The following CTNND2 variants were observed in gnomAD, a reference collection of about 807,000 sequenced individuals.
The protein encoded by CTNND2 is catenin delta-2.
Under a neutral mutation model 144.4 loss-of-function variants are expected in CTNND2, and 22 were observed. The ratio of observed to expected loss-of-function variants is 0.15; its 90% CI spans 0.11 to 0.22. The LOEUF is 0.22. Ranked by LOEUF, CTNND2 falls within the 10% of genes least tolerant of loss-of-function variation. The pLI, the probability that CTNND2 is intolerant of heterozygous loss-of-function variation, is 1.00. For missense variants in CTNND2, 1,353 were observed against 1,618.8 expected, an observed-to-expected ratio of 0.84 and a Z score of 2.82; for synonymous variants, 751 against 695.6, an observed-to-expected ratio of 1.08 and a Z score of -1.25.
intron 1 of CTNND2, among the ~76,000 whole-genome samples, chr5:11,879,341 G>GTGTATATATATATA: frequency 2.7e-5 from 3 of 109,348 alleles, no homozygotes; most frequent in East Asian, 2.5e-4. Context: ...TTAAATGTGT[G>GTGTATATATATATA]TATATATATA....
intron 3 of CTNND2, among the ~76,000 whole-genome samples, chr5:11,437,187 T>C (rs1190707006): frequency 2.0e-5 from 3 of 152,232 alleles, no homozygotes; most frequent in Non-Finnish European, 4.4e-5. Context: ...TGAGTGTGAG[T>C]TACCGAGTTT....
At chr5:10,995,064 G>C (rs1739193009) in intron 18 of CTNND2, among the ~76,000 whole-genome samples, 1 of 152,178 alleles carries the variant, frequency 6.6e-6, no homozygotes, top group South Asian at 2.1e-4. Context: ...GGACGTATAT[G>C]GTTACCGAAG....
chr5:11,879,376 A>ATATATATGT (rs1735856769), intron 1 of CTNND2, among the ~76,000 whole-genome samples: 1 of 80,506 alleles, frequency 1.2e-5, no homozygotes. Context: ...CACACACACA[A>ATATATATGT]ACATATACAT....
intron 3 of CTNND2, among the ~76,000 whole-genome samples, chr5:11,460,663 C>T (rs1473894623): frequency 6.6e-6 from 1 of 152,132 alleles, no homozygotes; most frequent in African/African-American, 2.4e-5. Context: ...GCGCTTGCCA[C>T]CCTACTACTT....
chr5:11,649,380 T>A (rs1214252307), intron 2 of CTNND2, among the ~76,000 whole-genome samples: 1 of 152,134 alleles, frequency 6.6e-6, no homozygotes. Context: ...TGCAGTGGTG[T>A]TATCTTGGAT....
chr5:11,322,419 C>T (rs1752126843), intron 9 of CTNND2, among the ~76,000 whole-genome samples: 1 of 152,140 alleles, frequency 6.6e-6, no homozygotes, highest in East Asian at 1.9e-4. Flanking sequence ...AGCATAGTTG[C>T]ATAATAATAT....
intron 2 of CTNND2, among the ~76,000 whole-genome samples, chr5:11,604,926 G>A (rs1779975286): frequency 6.6e-6 from 1 of 152,194 alleles, no homozygotes; most frequent in African/African-American, 2.4e-5. Flanking sequence ...CTTTAAGAAT[G>A]TTGAGAATAA....
chr5:11,657,724 A>G (rs993948582), intron 2 of CTNND2, among the ~76,000 whole-genome samples: 6 of 152,304 alleles, frequency 3.9e-5, no homozygotes, highest in African/African-American at 1.4e-4. Flanking sequence ...CATCAATCAA[A>G]ATAATTTTTA....
In CTNND2 at chr5:11,384,440, G is replaced by A. The variant is rs1292506362; in HGVS notation, c.1177+225C>T. 7 of 578,572 alleles carry A rather than the reference G, an allele frequency of 1.2e-5. No individual in the cohort carries two copies. The highest frequency in any genetic ancestry group is 2.9e-5 in the East Asian group (1 of 34,982). 35.8% of individuals were successfully genotyped at this position (578,572 alleles called of 1,614,324 possible). ...GAGAGGAGAGAAGAGAGTGATATAG[G>A]TGTTAGAGATTGAGACACCACATTA... On this transcript the variant is annotated intron_variant, in intron 7 of 21. Transcript: ENST00000304623. This position sits in a 1 kb window ranked among gnomAD's most constrained non-coding sequence, Gnocchi z 5.2.
At chr5:11,804,697 G>T (rs1378952664) in intron 1 of CTNND2, among the ~76,000 whole-genome samples, 2 of 152,164 alleles carry the variant, frequency 1.3e-5, no homozygotes, top group African/African-American at 4.8e-5. Flanking sequence ...GTTACCAGGG[G>T]TTTGGAAGGA....
chr5:11,318,898 GA>G (rs1367423490), intron 9 of CTNND2, among the ~76,000 whole-genome samples: 1 of 150,242 alleles, frequency 6.7e-6, no homozygotes, highest in Non-Finnish European at 1.5e-5. Context: ...CCCACCCCTA[GA>G]AAAAACATAT....
At chr5:11,490,238 G>A (rs146441562) in intron 3 of CTNND2, among the ~76,000 whole-genome samples, 4 of 152,166 alleles carry the variant, frequency 2.6e-5, no homozygotes, top group Admixed American at 6.5e-5. Flanking sequence ...GAAGCCAGAC[G>A]CTGACAGTCA....
At chr5:11,522,828 T>C (rs549316881) in intron 3 of CTNND2, among the ~76,000 whole-genome samples, 1 of 152,230 alleles carries the variant, frequency 6.6e-6, no homozygotes, top group South Asian at 2.1e-4. Context: ...ACAGAAATTT[T>C]TGGCCATAGA....
At chr5:11,802,079 C>A (rs1791715843) in intron 1 of CTNND2, among the ~76,000 whole-genome samples, 2 of 151,970 alleles carry the variant, frequency 1.3e-5, no homozygotes, top group South Asian at 2.1e-4. Flanking sequence ...TTGAGACTAG[C>A]CTGGCCAAAA....
At chr5:11,341,214 A>C (rs1754245361) in intron 9 of CTNND2, among the ~76,000 whole-genome samples, 1 of 152,228 alleles carries the variant, frequency 6.6e-6, no homozygotes, top group Non-Finnish European at 1.5e-5. Context: ...AAAAAGGGAT[A>C]GGTGTATTCT....
At chr5:11,004,770 CA>C (rs56261802) in intron 18 of CTNND2, among the ~76,000 whole-genome samples, 36,698 of 89,026 alleles carry the variant, frequency 0.41, 4,453 homozygotes, top group East Asian at 0.53. Flanking sequence ...CTCCTTCTCA[CA>C]AAAAAAAAAA....
chr5:11,714,703 G>A lies in CTNND2; in HGVS notation c.174+17433C>T, dbSNP rs184823417. Among the ~76,000 whole-genome samples, 441 of 151,984 alleles carry A rather than the reference G, an allele frequency of 2.9e-3. 2 individuals carry two copies. The highest frequency in any genetic ancestry group is 0.01 in the African/African-American group (415 of 41,478). On this transcript the variant is annotated intron_variant, in intron 2 of 21. Transcript: ENST00000304623. ...GGGCGGATCAAGAGGTCAGGAGATC[G>A]AGACTATCCTGGCTAACACAGTGAA...
chr5:11,489,494 A>G (rs566715535), intron 3 of CTNND2, among the ~76,000 whole-genome samples: 25 of 152,296 alleles, frequency 1.6e-4, no homozygotes, highest in East Asian at 1.4e-3. Flanking sequence ...TTTCCTTTCA[A>G]AAATTCAATA....
chr5:11,162,124 GC>G (rs200250563), intron 11 of CTNND2, among the ~76,000 whole-genome samples: 2,992 of 152,156 alleles, frequency 0.02, 87 homozygotes, highest in African/African-American at 0.069. Flanking sequence ...CTGTACTCCA[GC>G]CTGGGTGACA....
Sources: gnomAD v4.1 joint callset for allele counts (sites outside exome capture counted in the v4.1 genomes callset) on GRCh38, gnomAD v4.1.1 for gene constraint, Gnocchi (gnomAD v3.1) non-coding constraint, MANE v1.5 for transcripts, NCBI Gene and HGNC (gene_info 2026-07-23, HGNC 2026-07-21) for gene names.